Variants in NT5C2 observed in about 807,000 individuals in gnomAD.
The protein encoded by NT5C2 is cytosolic purine 5'-nucleotidase.
NT5C2 carries 58 observed loss-of-function variants against 76.1 expected under a neutral mutation model. That is an observed-to-expected ratio of 0.76 (90% confidence interval 0.62 to 0.95). NT5C2 has a LOEUF of 0.95. Ranked by LOEUF, NT5C2 falls within the 40% of genes least tolerant of loss-of-function variation. The pLI is 0.00. For synonymous variants in NT5C2, 229 were observed against 237.4 expected (o/e 0.96, Z 0.32); for missense variants, 478 against 690.3 (o/e 0.69, Z 3.45).
rs1341479683 is a variant in NT5C2 at position 103,105,834 on chromosome 10, AAAGT to A, written c.294-37_294-34del. 2.9e-6 allele frequency: 4 copies of A among 1,399,428 alleles called. No individual in the cohort carries two copies. The South Asian group carries it at 3.5e-5, about 12-fold the overall frequency. 86.7% of individuals were successfully genotyped at this position (1,399,428 alleles called of 1,614,324 possible). On this transcript the variant is annotated intron_variant, in intron 5 of 18. Coordinates refer to ENST00000404739, the MANE Select transcript of NT5C2 (RefSeq NM_001351169.2). The stretch of plus-strand genomic sequence containing the variant: ...AAAATGAAGACATTATTGATAATGC[AAAGT>A]AATACAGGCAATAATTTTATGTAGT...
intron 4 of NT5C2, among the ~76,000 whole-genome samples, chr10:103,111,489 CTA>C (rs1207774957): frequency 6.6e-6 from 1 of 152,132 alleles, no homozygotes; most frequent in African/African-American, 2.4e-5. Flanking sequence ...CAAAAAATAA[CTA>C]TGTTTTCAGG....
intron 3 of NT5C2, among the ~76,000 whole-genome samples, chr10:103,143,602 ATTTTTTTTT>A (rs67395221): frequency 2.2e-4 from 12 of 53,862 alleles, no homozygotes; most frequent in South Asian, 1.4e-3. Flanking sequence ...ATGTCCAGCT[ATTTTTTTTT>A]TTTTTTTTTT....
At chr10:103,165,315 G>A (rs2086091199) in intron 3 of NT5C2, among the ~76,000 whole-genome samples, 2 of 152,088 alleles carry the variant, frequency 1.3e-5, no homozygotes, top group Non-Finnish European at 2.9e-5. Context: ...CCAACATGGT[G>A]AAACTCCATT....
At chr10:103,119,800 TA>T in intron 4 of NT5C2, among the ~76,000 whole-genome samples, 1 of 125,182 alleles carries the variant, frequency 8.0e-6, no homozygotes, top group African/African-American at 2.9e-5. Context: ...TTGGTTTCAT[TA>T]AACAAAAAAA....
chr10:103,142,212 G>T (rs2080570911), intron 3 of NT5C2, among the ~76,000 whole-genome samples: 1 of 152,130 alleles, frequency 6.6e-6, no homozygotes, highest in South Asian at 2.1e-4. Context: ...TGAAGATTTT[G>T]TAAGCCACAT....
intron 4 of NT5C2, among the ~76,000 whole-genome samples, chr10:103,130,242 T>C (rs906923781): frequency 6.6e-6 from 1 of 151,658 alleles, no homozygotes; most frequent in African/African-American, 2.4e-5. Context: ...ATCCTGTTGA[T>C]CTGTGACCTT....
intron 14 of NT5C2, chr10:103,093,618 T>C (rs1168632883): frequency 4.4e-5 from 16 of 359,956 alleles, no homozygotes; most frequent in Non-Finnish European, 8.0e-5. Flanking sequence ...CTGGCTTTAC[T>C]CAACTGTTTA....
chr10:103,125,188 C>A, intron 4 of NT5C2: 1 of 639,974 alleles, frequency 1.6e-6, no homozygotes, highest in Non-Finnish European at 2.8e-6. Context: ...TGGGACTCAT[C>A]CCTCCACACC....
At chr10:103,141,887 A>G (rs2080488335) in intron 3 of NT5C2, among the ~76,000 whole-genome samples, 1 of 152,228 alleles carries the variant, frequency 6.6e-6, no homozygotes, top group Admixed American at 6.5e-5. Flanking sequence ...AAATAATTTC[A>G]GCAATTCAGT....
intron 10 of NT5C2, 62 bp downstream of exon 10, chr10:103,098,869 T>C: frequency 3.5e-6 from 4 of 1,152,042 alleles, no homozygotes. Context: ...CAGCTTGTTA[T>C]TAATTTCCCT....
chr10:103,144,694 A>G lies in NT5C2; in HGVS notation c.102-5215T>C, dbSNP rs375312648. Among the ~76,000 whole-genome samples the G allele has an allele frequency of 1.1e-3, 171 of 152,324 alleles. 5 individuals are homozygous for G. The South Asian group carries it at 0.034, about 30-fold the overall frequency. ...CTTCTCCTCTCTTTAACCTAGTCAC[A>G]TTAACTATTCAATCAACACATTCAT... On this transcript the variant is annotated intron_variant, in intron 3 of 18. Transcript: ENST00000404739.
chr10:103,115,333 C>T (rs1320059115), intron 4 of NT5C2, among the ~76,000 whole-genome samples: 3 of 152,020 alleles, frequency 2.0e-5, no homozygotes, highest in Non-Finnish European at 4.4e-5. Flanking sequence ...ACCCGGGAGG[C>T]GGAGGTTGCA....
chr10:103,092,813 G>A (rs142256446), intron 15 of NT5C2, among the ~76,000 whole-genome samples: 1 of 152,310 alleles, frequency 6.6e-6, no homozygotes, highest in East Asian at 1.9e-4. Context: ...GCTAGGCATG[G>A]TTGGGGAAAT....
chr10:103,136,624 TTA>T (rs2079308012), intron 4 of NT5C2, among the ~76,000 whole-genome samples: 1 of 130,484 alleles, frequency 7.7e-6, no homozygotes, highest in African/African-American at 2.8e-5. Context: ...ATTCAGTTAA[TTA>T]TTTTTTTTTT....
intron 3 of NT5C2, among the ~76,000 whole-genome samples, chr10:103,168,802 TTAAC>T (rs1444393483): frequency 1.3e-5 from 2 of 152,230 alleles, no homozygotes; most frequent in Admixed American, 6.5e-5. Flanking sequence ...ATTTATTTAC[TTAAC>T]TAAGAATATT....
At chr10:103,189,180 T>TA (rs2135504202) in intron 1 of NT5C2, among the ~76,000 whole-genome samples, 1 of 152,272 alleles carries the variant, frequency 6.6e-6, no homozygotes, top group South Asian at 2.1e-4. Context: ...ATAGGCTCAT[T>TA]AGTTTAATGG....
At chr10:103,160,253 TCAAAAA>T (rs1161916541) in intron 3 of NT5C2, among the ~76,000 whole-genome samples, 1 of 151,890 alleles carries the variant, frequency 6.6e-6, no homozygotes, top group Non-Finnish European at 1.5e-5. Flanking sequence ...TGAAAATGGA[TCAAAAA>T]CGTAAATGTA....
chr10:103,147,867 G>A (rs913579130), intron 3 of NT5C2, among the ~76,000 whole-genome samples: 3 of 151,992 alleles, frequency 2.0e-5, no homozygotes, highest in African/African-American at 4.8e-5. Context: ...TTCTTGTGGG[G>A]GTAATGAAAT....
At chr10:103,099,594 G>A (rs917336381) in intron 9 of NT5C2, among the ~76,000 whole-genome samples, 3 of 151,330 alleles carry the variant, frequency 2.0e-5, no homozygotes, top group African/African-American at 4.9e-5. Flanking sequence ...GTTATTAGTC[G>A]GGTGGGAGGT....
Sources: allele counts gnomAD v4.1 joint callset (sites outside exome capture counted in the v4.1 genomes callset), GRCh38; gene constraint gnomAD v4.1.1; transcripts MANE v1.5; gene names NCBI Gene and HGNC (gene_info 2026-07-23, HGNC 2026-07-21).